Variants in IFT74 observed in about 807,000 individuals in gnomAD.
IFT74 encodes the protein intraflagellar transport 74.
A neutral mutation model predicts 96.7 loss-of-function variants in IFT74; 92 were observed. The observed-to-expected ratio is 0.95, with a 90% CI of 0.80 to 1.13. The LOEUF (loss-of-function observed/expected upper bound fraction) is 1.13. IFT74 is among the 50% of genes most tolerant of loss of function. The pLI is 0.00. For missense variants in IFT74, 811 were observed against 698.2 expected (o/e 1.16, Z -1.82); for synonymous variants, 223 against 213.2 (o/e 1.05, Z -0.40).
At chr9:26,955,926 G>A (rs1228340077), upstream of IFT74, 2 of 151,232 alleles carry the variant, frequency 1.3e-5, no homozygotes, top group African/African-American at 4.9e-5. Flanking sequence ...GAAGCTTAAA[G>A]ACGCAAAGCT....
chr9:27,058,406 A>T (rs1309780744), intron 18 of IFT74, among the ~76,000 whole-genome samples: 1 of 151,430 alleles, frequency 6.6e-6, no homozygotes, highest in Admixed American at 6.6e-5. Context: ...TCTTTTTGAG[A>T]CGAAGTTTTG....
At chr9:27,037,667 A>C (rs1451044394) in intron 13 of IFT74, among the ~76,000 whole-genome samples, 1 of 152,214 alleles carries the variant, frequency 6.6e-6, no homozygotes, top group Non-Finnish European at 1.5e-5. Flanking sequence ...CTCTGGTGCT[A>C]TGTGGCAACA....
rs190150799 is a variant in IFT74 at position 27,015,622 on chromosome 9, G to A, written c.790-1285G>A. On this transcript the variant is annotated intron_variant, in intron 10 of 19. Coordinates refer to ENST00000380062, the MANE Select transcript of IFT74 (RefSeq NM_025103.4). The stretch of plus-strand genomic sequence containing the variant: ...ACTGCACTCCAGCCTGGGTGAAAGA[G>A]CGAAATTCCATCTCAAAAAAGAAAA... Among the ~76,000 whole-genome samples, 134 of 152,236 alleles carry A rather than the reference G, an allele frequency of 8.8e-4. 1 individual carries two copies. Among genetic ancestry groups the A allele is most frequent in the Admixed American group, 5.5e-3 (84 of 15,280 alleles).
chr9:27,027,741 T>G (rs924130493), intron 12 of IFT74, among the ~76,000 whole-genome samples: 2 of 152,198 alleles, frequency 1.3e-5, no homozygotes, highest in Non-Finnish European at 2.9e-5. Context: ...AAATTTTCCC[T>G]TGTTCTATGA....
chr9:26,993,851 A>G (rs1020356675), intron 8 of IFT74: 1 of 152,194 alleles, frequency 6.6e-6, no homozygotes, highest in Non-Finnish European at 1.5e-5. Context: ...TACCAGAAAT[A>G]TTATTTCACC....
At chr9:26,981,000 G>A (rs1827351842) in intron 4 of IFT74, among the ~76,000 whole-genome samples, 1 of 152,256 alleles carries the variant, frequency 6.6e-6, no homozygotes, top group Non-Finnish European at 1.5e-5. Flanking sequence ...TCAGTGTCTG[G>A]TGGGCACCTG....
chr9:26,985,076 T>C (rs983415147), intron 6 of IFT74, among the ~76,000 whole-genome samples: 15 of 152,128 alleles, frequency 9.9e-5, no homozygotes, highest in African/African-American at 3.6e-4. Flanking sequence ...CAGTGGCAGA[T>C]TGGTTAAAGA....
chr9:26,967,408 A>G (rs1036761927), intron 2 of IFT74, among the ~76,000 whole-genome samples: 1 of 152,092 alleles, frequency 6.6e-6, no homozygotes, highest in African/African-American at 2.4e-5. Flanking sequence ...CTGTTAGCAT[A>G]TAGAAATGCT....
At position 26,948,448 on chromosome 9, in the gene IFT74, A is replaced by AT. The variant is rs71841244; in HGVS notation, c.-20+1342dup. Among the ~76,000 whole-genome samples the AT allele has an allele frequency of 3.4e-4, 20 of 59,164 alleles. 4 individuals are homozygous for AT. Among genetic ancestry groups the AT allele is most frequent in the Non-Finnish European group, 6.5e-4 (17 of 26,084 alleles). The allele number at this position is 59,164 out of a possible 152,430, so 38.8% of individuals were successfully genotyped here. On this transcript the variant is annotated intron_variant, in intron 1 of 19. Coordinates refer to the IFT74 transcript ENST00000433700. ...TGACAACCTGTGATGGCTTTCCATT[A>AT]TTTTTTTTTTTTTTTTTTTTTTTTT... is the stretch of plus-strand genomic sequence containing the variant.
intron 1 of IFT74, chr9:26,947,440 C>G (rs1421962214): frequency 5.6e-6 from 1 of 177,940 alleles, no homozygotes; most frequent in Non-Finnish European, 1.2e-5. Flanking sequence ...GGGTCTCTTC[C>G]GACTCCGGGC....
intron 16 of IFT74, among the ~76,000 whole-genome samples, chr9:27,051,920 T>C (rs1181447220): frequency 6.6e-6 from 1 of 152,206 alleles, no homozygotes; most frequent in Non-Finnish European, 1.5e-5. Context: ...CTTTTGGACA[T>C]ATATGAATAT....
rs781609410 is a variant in IFT74 at position 26,978,151 on chromosome 9, A to G, written c.144A>G (p.Pro48=). The G allele has an allele frequency of 1.9e-6, 3 of 1,606,038 alleles. No homozygotes were observed. Among genetic ancestry groups the G allele is most frequent in the African/African-American group, 1.3e-5 (1 of 74,662 alleles). Residue 48 remains proline (P), a synonymous_variant, in exon 3 of 20, where the codon CCA becomes CCG. Transcript: ENST00000380062. ...ATAMPPGTAR[P]GSRGCPIGTG... is the part of the protein sequence containing the mutation. ...AGATGCCACCTGGGACAGCAAGACC[A>G]GGTTCTCGTGGTTGTCCCATAGGGA...
intron 12 of IFT74, 86 bp downstream of exon 12, chr9:27,018,773 T>G: frequency 1.3e-6 from 1 of 741,714 alleles, no homozygotes; most frequent in East Asian, 2.7e-5. Flanking sequence ...CTTTCATTCT[T>G]TCAATTTTAC....
At chr9:26,976,565 A>C in intron 2 of IFT74, 1 of 335,674 alleles carries the variant, frequency 3.0e-6, no homozygotes, top group East Asian at 7.8e-5. Context: ...GAGAGGAGGA[A>C]GGGGTCATCT....
chr9:26,980,569 A>C lies in IFT74; in HGVS notation c.257-2A>C. 6.3e-7 allele frequency: 1 copy of C among 1,590,960 alleles called. No homozygotes were observed. The highest frequency in any genetic ancestry group is 8.6e-7 in the Non-Finnish European group (1 of 1,159,424). ...ACTAACACTTAAAACATTTTTTTTT[A>C]GGTCCCCAGAGGCAAATTTTAGACA... On this transcript the variant is annotated splice_acceptor_variant, in intron 3 of 19. Coordinates refer to ENST00000380062, the MANE Select transcript of IFT74 (RefSeq NM_025103.4). LOFTEE classifies it high-confidence loss of function.
At position 27,026,518 on chromosome 9, in the gene IFT74, T is replaced by G. The variant is rs528382497; in HGVS notation, c.975-2507T>G. Among the ~76,000 whole-genome samples the G allele has an allele frequency of 4.8e-4, 73 of 152,280 alleles. No homozygotes were observed. The Middle Eastern group carries it at 0.014, about 28-fold the overall frequency. ...AACATTCTACCCAACAACTGCAGAA[T>G]ATACATTCTGTTCATCAGCACATGG... On this transcript the variant is annotated intron_variant, in intron 12 of 19. Transcript: ENST00000380062.
intron 8 of IFT74, among the ~76,000 whole-genome samples, chr9:27,008,256 G>A (rs1463020235): frequency 6.6e-6 from 1 of 152,166 alleles, no homozygotes; most frequent in African/African-American, 2.4e-5. Flanking sequence ...TTCTGTCAGA[G>A]CCACACTGGA....
intron 2 of IFT74, among the ~76,000 whole-genome samples, chr9:26,963,636 T>G (rs999896983): frequency 1.3e-5 from 2 of 151,806 alleles, no homozygotes; most frequent in African/African-American, 4.8e-5. Flanking sequence ...TCCTGACTTT[T>G]TAATGATCGC....
At chr9:26,985,714 T>C (rs1217780985) in intron 6 of IFT74, among the ~76,000 whole-genome samples, 1 of 152,142 alleles carries the variant, frequency 6.6e-6, no homozygotes, top group African/African-American at 2.4e-5. Context: ...CTTTTCTCCC[T>C]AAAATATGTT....
Sources: allele counts gnomAD v4.1 joint callset (sites outside exome capture counted in the v4.1 genomes callset), GRCh38; gene constraint gnomAD v4.1.1; transcripts MANE v1.5; gene names NCBI Gene and HGNC (gene_info 2026-07-23, HGNC 2026-07-21).